Variants in RPE65 observed in about 807,000 individuals in gnomAD.
RPE65 encodes retinoid isomerohydrolase RPE65, also known as retinoid isomerohydrolase.
A neutral mutation model predicts 68.5 loss-of-function variants in RPE65; 58 were observed. That is an observed-to-expected ratio of 0.85 (90% CI 0.69 to 1.05). RPE65 has a LOEUF of 1.05. Among genes scored for constraint, RPE65 ranks in the 50% least tolerant of loss-of-function variants. RPE65 has a pLI of 0.00. For missense variants in RPE65, 643 were observed against 629.9 expected (o/e 1.02, Z -0.22); for synonymous variants, 220 against 222.2 (o/e 0.99, Z 0.09).
rs376418354 is a variant in RPE65, at chr1:68,444,496, T to G, written c.495+35A>C. The G allele has an allele frequency of 2.5e-6, 4 of 1,613,316 alleles. No individual in the cohort carries two copies. The African/African-American group carries it at 4.0e-5, about 16-fold the overall frequency. On this transcript the variant is annotated intron_variant, in intron 5 of 13. Transcript: ENST00000262340. The stretch of plus-strand genomic sequence containing the variant: ...TGAATTAATTTTAAGTTCCAAATTC[T>G]AAATTCCTGAACATCACCTAGCACT...
At chr1:68,449,212 GC>G (rs1343083838) in intron 1 of RPE65, among the ~76,000 whole-genome samples, 1 of 152,116 alleles carries the variant, frequency 6.6e-6, no homozygotes, top group Non-Finnish European at 1.5e-5. Context: ...AGAGATGACA[GC>G]TTTTTGGGTC....
chr1:68,431,698 A>G (rs755245682), intron 10 of RPE65, 113 bp from the exon 11 acceptor site: 32 of 832,114 alleles, frequency 3.8e-5, no homozygotes, highest in Non-Finnish European at 6.0e-5. Context: ...ACATGCAGGG[A>G]GGAACTGCAG....
intron 13 of RPE65, among the ~76,000 whole-genome samples, 191 bp from the exon 14 acceptor site, chr1:68,430,118 C>T (rs1248193920): frequency 1.3e-5 from 2 of 152,144 alleles, no homozygotes; most frequent in Admixed American, 6.6e-5. Flanking sequence ...TCTTTATGTA[C>T]CCTACCTACA....
intron 7 of RPE65, 21 bp from the exon 8 acceptor site, chr1:68,439,344 G>C: frequency 6.2e-7 from 1 of 1,612,026 alleles, no homozygotes; most frequent in Non-Finnish European, 8.5e-7. Flanking sequence ...ACACAAATGG[G>C]CTTGTGAATG....
intron 10 of RPE65, among the ~76,000 whole-genome samples, chr1:68,432,348 G>GAAA (rs1415343577): frequency 6.6e-6 from 1 of 152,038 alleles, no homozygotes; most frequent in East Asian, 1.9e-4. Context: ...AAATGTGGGG[G>GAAA]AAAAATAGAA....
intron 13 of RPE65, among the ~76,000 whole-genome samples, chr1:68,430,712 C>A (rs556991918): frequency 6.6e-6 from 1 of 152,256 alleles, no homozygotes; most frequent in South Asian, 2.1e-4. Context: ...TACTTAGCTT[C>A]CCTTCTTAGA....
chr1:68,430,073 C>T, intron 13 of RPE65, 146 bp from the exon 14 acceptor site: 2 of 1,019,320 alleles, frequency 2.0e-6, no homozygotes, highest in Non-Finnish European at 2.9e-6. Flanking sequence ...TCTTGTACCA[C>T]CTGGCATGAG....
Position 68,446,467 on chromosome 1 carries a change from G to A in RPE65, c.245+243C>T, listed in dbSNP as rs11209301. Among the ~76,000 whole-genome samples the A allele has an allele frequency of 0.017, 2,581 of 152,264 alleles. 71 individuals carry two copies. Among genetic ancestry groups the A allele is most frequent in the African/African-American group, 0.059 (2,460 of 41,548 alleles). On this transcript the variant is annotated intron_variant, in intron 3 of 13. Coordinates refer to ENST00000262340, the MANE Select transcript of RPE65 (RefSeq NM_000329.3). ...AAGGTTACCCTCCTAGGCAAGTCATGTCTGTTGAATACAGGGTTTAAAGCC... is the reference window on the plus strand; with the variant it reads ...AAGGTTACCCTCCTAGGCAAGTCATATCTGTTGAATACAGGGTTTAAAGCC...
chr1:68,438,165 A>T (rs770044163), intron 10 of RPE65, 22 bp downstream of exon 10: 1 of 1,613,560 alleles, frequency 6.2e-7, no homozygotes, highest in Non-Finnish European at 8.5e-7. Flanking sequence ...TTAAATCTGA[A>T]ATCTACAGAG....
intron 12 of RPE65, 47 bp downstream of exon 12, chr1:68,431,234 GC>G: frequency 1.2e-6 from 2 of 1,602,926 alleles, no homozygotes; most frequent in African/African-American, 2.7e-5. Flanking sequence ...TACTTGACTA[GC>G]ATATACTCAA....
chr1:68,439,240 A>C lies in RPE65; in HGVS notation c.809T>G (p.Leu270Arg), dbSNP rs1645882618. Residue 270 changes from leucine to arginine, a missense_variant, in exon 8 of 14, where the codon CTT becomes CGT. Leu to Arg is a moderately radical substitution (Grantham distance 102). Transcript: ENST00000262340. The part of the protein sequence containing the change: ...NLFKFLSSWS[L>R]WGANYMDCFE... ...ACAATCCATGTAGTTGGCTCCCCAA[A>C]GACTCCATGAAGAAAGGAACTTGAA... The C allele has an allele frequency of 6.2e-7, 1 of 1,613,990 alleles. No individual in the cohort carries two copies. The highest frequency in any genetic ancestry group is 1.7e-5 in the Admixed American group (1 of 60,000).
intron 2 of RPE65, among the ~76,000 whole-genome samples, chr1:68,447,960 A>C: frequency 6.6e-6 from 1 of 152,240 alleles, no homozygotes; most frequent in East Asian, 1.9e-4. Context: ...CTACCAGTGA[A>C]GTTTTTCAAG....
At chr1:68,439,923 G>T (rs556397149) in intron 6 of RPE65, among the ~76,000 whole-genome samples, 98 of 152,244 alleles carry the variant, frequency 6.4e-4, no homozygotes, top group African/African-American at 2.3e-3. Flanking sequence ...CTGGAGGTGG[G>T]TTTTAAGTCA....
intron 10 of RPE65, among the ~76,000 whole-genome samples, chr1:68,435,696 C>T (rs1468846762): frequency 1.3e-5 from 2 of 152,200 alleles, no homozygotes; most frequent in Non-Finnish European, 2.9e-5. Context: ...GCCTCAATCC[C>T]ATCTCCACCT....
chr1:68,441,046 C>A (rs750484227), intron 5 of RPE65, 46 bp from the exon 6 acceptor site: 1 of 1,608,848 alleles, frequency 6.2e-7, no homozygotes, highest in Non-Finnish European at 8.5e-7. Flanking sequence ...AAGGAAGATA[C>A]ATTATACCTT....
At position 68,448,620 on chromosome 1, in the gene RPE65, C is replaced by G; in HGVS notation, c.94+4G>C. The G allele has an allele frequency of 1.9e-6, 3 of 1,613,714 alleles. No homozygotes were observed. Among genetic ancestry groups the G allele is most frequent in the Non-Finnish European group, 2.5e-6 (3 of 1,179,850 alleles). ...AGGATGGCTTCAAGATGGGCGAGAC[C>G]AACCTGTTACATGAGCTGTGAGCGG... On this transcript the variant is annotated splice_donor_region_variant and intron_variant, in intron 2 of 13. Transcript: ENST00000262340.
Position 68,444,640 on chromosome 1 carries a change from G to A in RPE65, c.386C>T (p.Thr129Ile), listed in dbSNP as rs768336015. The change falls in exon 5 of 14, where the codon ACT becomes ATT. Residue 129 changes from threonine (T) to isoleucine (I), a missense_variant. Physicochemically the swap from Thr to Ile is moderately conservative, Grantham distance 89. Transcript: ENST00000262340. ...FFSYFRGVEVTDNALVNVYPV... is the reference protein window; with the variant it reads ...FFSYFRGVEVIDNALVNVYPV... The stretch of plus-strand genomic sequence containing the variant: ...GTAGACATTAACAAGGGCATTGTCA[G>A]TAACCTCTACTCCTCGAAAGTAAGA... The A allele has an allele frequency of 1.2e-6, 2 of 1,614,140 alleles. No individual in the cohort carries two copies. Among genetic ancestry groups the A allele is most frequent in the Admixed American group, 1.7e-5 (1 of 60,030 alleles).
intron 10 of RPE65, among the ~76,000 whole-genome samples, chr1:68,436,470 ATTT>A (rs1317532940): frequency 2.0e-5 from 3 of 150,982 alleles, no homozygotes; most frequent in African/African-American, 7.3e-5. Context: ...TTATTTATTT[ATTT>A]ATTTATTTAT....
At chr1:68,442,327 C>T (rs2100823704) in intron 5 of RPE65, among the ~76,000 whole-genome samples, 1 of 152,224 alleles carries the variant, frequency 6.6e-6, no homozygotes, top group East Asian at 1.9e-4. Flanking sequence ...AGTGGGAATC[C>T]TAATGTAAAT....
Sources: gnomAD v4.1 joint callset for allele counts (sites outside exome capture counted in the v4.1 genomes callset) on GRCh38, gnomAD v4.1.1 for gene constraint, MANE v1.5 for transcripts, NCBI Gene and HGNC (gene_info 2026-07-23, HGNC 2026-07-21) for gene names.